Variants in NRXN1 observed in about 807,000 individuals in gnomAD.
The protein encoded by NRXN1 is neurexin-1.
Under a neutral mutation model 150.9 loss-of-function variants are expected in NRXN1, and 39 were observed. The ratio of observed to expected loss-of-function variants is 0.26; its 90% CI spans 0.20 to 0.34. The LOEUF (loss-of-function observed/expected upper bound fraction) is 0.34. Among genes scored for constraint, NRXN1 ranks in the 10% least tolerant of loss-of-function variants. The pLI is 1.00. For synonymous variants in NRXN1, 924 were observed against 757.0 expected (o/e 1.22, Z -3.62); for missense variants, 1,815 against 1,949.9 (o/e 0.93, Z 1.30).
intron 17 of NRXN1, among the ~76,000 whole-genome samples, chr2:50,349,553 A>G (rs1327673691): frequency 6.6e-6 from 1 of 152,234 alleles, no homozygotes; most frequent in Non-Finnish European, 1.5e-5. Flanking sequence ...GGAAATCCGT[A>G]CTGCATTTTT....
intron 17 of NRXN1, among the ~76,000 whole-genome samples, chr2:50,353,698 G>A (rs2078587703): frequency 6.6e-6 from 1 of 152,052 alleles, no homozygotes; most frequent in Non-Finnish European, 1.5e-5. Context: ...TTATGCCAAA[G>A]ACATAAAGAT....
chr2:50,465,420 C>T, intron 17 of NRXN1, 22 bp downstream of exon 17: 1 of 1,594,900 alleles, frequency 6.3e-7, no homozygotes, highest in South Asian at 1.1e-5. Flanking sequence ...GAGTATCAGT[C>T]CATACTCAGA....
At chr2:50,767,349 T>A (rs2105424967) in intron 5 of NRXN1, among the ~76,000 whole-genome samples, 1 of 152,210 alleles carries the variant, frequency 6.6e-6, no homozygotes, top group African/African-American at 2.4e-5. Context: ...TCCCCCTTAT[T>A]GTCTATAAGG....
chr2:50,664,226 C>T (rs1240402490), intron 5 of NRXN1, among the ~76,000 whole-genome samples: 1 of 151,950 alleles, frequency 6.6e-6, no homozygotes, highest in Non-Finnish European at 1.5e-5. Context: ...GCGTAACTTT[C>T]CTTCTCCCTC....
chr2:50,175,212 C>T (rs999515400), intron 18 of NRXN1: 1 of 152,134 alleles, frequency 6.6e-6, no homozygotes, highest in African/African-American at 2.4e-5. Context: ...GATAAGAACC[C>T]CTCCTGAAAT....
intron 18 of NRXN1, among the ~76,000 whole-genome samples, chr2:50,198,664 A>C (rs945715902): frequency 2.0e-5 from 3 of 152,094 alleles, no homozygotes; most frequent in Non-Finnish European, 4.4e-5. Flanking sequence ...GACACCAAAG[A>C]AGCAGTCCTT....
intron 21 of NRXN1, among the ~76,000 whole-genome samples, chr2:49,996,417 T>C (rs570663934): frequency 1.3e-5 from 2 of 152,276 alleles, no homozygotes; most frequent in South Asian, 2.1e-4. Context: ...GAAAGGAAGA[T>C]TGGGGATTTA....
intron 18 of NRXN1, among the ~76,000 whole-genome samples, chr2:50,116,944 A>G (rs1703155153): frequency 6.6e-6 from 1 of 152,118 alleles, no homozygotes; most frequent in Non-Finnish European, 1.5e-5. Flanking sequence ...CCTGGTATTA[A>G]TGGAAAGAGG....
At chr2:50,740,627 A>G (rs1699314684) in intron 5 of NRXN1, among the ~76,000 whole-genome samples, 1 of 152,206 alleles carries the variant, frequency 6.6e-6, no homozygotes, top group Non-Finnish European at 1.5e-5. Context: ...GTGTACGTAT[A>G]TAAAATGGTC....
chr2:50,924,712 T>C (rs1686600582), intron 3 of NRXN1, among the ~76,000 whole-genome samples: 1 of 151,678 alleles, frequency 6.6e-6, no homozygotes, highest in South Asian at 2.1e-4. Flanking sequence ...AAAATAGTAA[T>C]TTATGATTTC....
At chr2:50,891,909 T>A (rs905297920) in intron 5 of NRXN1, among the ~76,000 whole-genome samples, 1 of 152,114 alleles carries the variant, frequency 6.6e-6, no homozygotes, top group African/African-American at 2.4e-5. Flanking sequence ...TCTGAGTGCC[T>A]ACTACATATG....
At position 50,552,967 on chromosome 2, in the gene NRXN1, T is replaced by A; in HGVS notation, c.1379A>T (p.Asp460Val). 1.2e-6 allele frequency: 2 copies of A among 1,613,606 alleles called. No homozygotes were observed. Among genetic ancestry groups the A allele is most frequent in the African/African-American group, 1.3e-5 (1 of 75,038 alleles). ...CACTCCATGGATCTTCATCTTAGGA[T>A]CTCCTTGCTTGGCAAGTCGAGATAA... ...LELSRLAKQG[D>V]PKMKIHGVVA... Residue 460 changes from aspartate (D) to valine (V), a missense_variant, in exon 9 of 23, where the codon GAT (aspartate) becomes GTT (valine). By Grantham distance (152) the Asp-to-Val change is radical. Around this residue, in one of 6 missense-constraint regions of NRXN1, gnomAD observed 638 missense variants for 652.6 expected, o/e 0.98. Coordinates refer to ENST00000401669, the MANE Select transcript of NRXN1 (RefSeq NM_001330078.2).
At chr2:50,367,322 T>C (rs1186079791) in intron 17 of NRXN1, among the ~76,000 whole-genome samples, 3 of 152,050 alleles carry the variant, frequency 2.0e-5, no homozygotes, top group East Asian at 1.9e-4. Flanking sequence ...TAGAGCTTAA[T>C]GAAGACACAC....
intron 21 of NRXN1, among the ~76,000 whole-genome samples, chr2:49,965,219 T>A (rs1000423467): frequency 1.3e-5 from 2 of 150,496 alleles, no homozygotes; most frequent in African/African-American, 4.9e-5. Flanking sequence ...TAAGAAAAAA[T>A]TTTTTCTGCC....
At chr2:50,083,671 CG>C in intron 19 of NRXN1, among the ~76,000 whole-genome samples, 1 of 152,252 alleles carries the variant, frequency 6.6e-6, no homozygotes, top group Admixed American at 6.5e-5. Flanking sequence ...TCCTGCTGAT[CG>C]GTCCATTTTA....
chr2:50,154,376 C>CA lies in NRXN1; in HGVS notation c.3547-62883dup, dbSNP rs529421915. Among the ~76,000 whole-genome samples the CA allele has an allele frequency of 5.3e-3, 791 of 150,140 alleles. 9 individuals are homozygous for CA. The highest frequency in any genetic ancestry group is 0.017 in the African/African-American group (690 of 41,024). ...TCCCTAAAAACCTATTAAAATTAAA[C>CA]AAAAAAAACAGTGTGGAAAAAATTA... On this transcript the variant is annotated intron_variant, in intron 18 of 22. Transcript: ENST00000401669.
Position 50,472,403 on chromosome 2 carries a change from C to G in NRXN1, c.3139G>C (p.Glu1047Gln), listed in dbSNP as rs1343492105. 1 of 1,612,254 alleles carries G rather than the reference C, an allele frequency of 6.2e-7. No homozygotes were observed. The highest frequency in any genetic ancestry group is 8.5e-7 in the Non-Finnish European group (1 of 1,178,858). The change falls in exon 16 of 23, where the codon GAA (glutamate) becomes CAA (glutamine). Residue 1047 changes from glutamate (E) to glutamine (Q), a missense_variant. Coordinates refer to ENST00000401669, the MANE Select transcript of NRXN1 (RefSeq NM_001330078.2). ...KSLPKLVHAK[E>Q]GFQGCLASVD... ...GATGCCAGGCAGCCTTGAAAGCCTT[C>G]TTTGGCATGTACAAGTTTTGGTAAG...
At chr2:50,925,362 T>C (rs1398489930) in intron 3 of NRXN1, among the ~76,000 whole-genome samples, 1 of 151,868 alleles carries the variant, frequency 6.6e-6, no homozygotes, top group Non-Finnish European at 1.5e-5. Context: ...AGGCAAAAAA[T>C]ATTACAAATA....
chr2:50,118,184 C>A (rs1256026043), intron 18 of NRXN1, among the ~76,000 whole-genome samples: 1 of 152,134 alleles, frequency 6.6e-6, no homozygotes, highest in Non-Finnish European at 1.5e-5. Context: ...GGAAGAAATT[C>A]TCCAATGTAA....
Sources: allele counts gnomAD v4.1 joint callset (sites outside exome capture counted in the v4.1 genomes callset), GRCh38; gene constraint gnomAD v4.1.1; regional missense constraint gnomAD v4.1.1; transcripts MANE v1.5; gene names NCBI Gene and HGNC (gene_info 2026-07-23, HGNC 2026-07-21).